Variants in TCF7L1 observed in about 807,000 individuals in gnomAD.
TCF7L1 encodes transcription factor 7-like 1.
A neutral mutation model predicts 63.7 loss-of-function variants in TCF7L1; 18 were observed. The observed-to-expected ratio is 0.28, with a 90% CI of 0.20 to 0.42. The LOEUF (loss-of-function observed/expected upper bound fraction) is 0.42, where lower values mean the gene tolerates loss of function less well. Among genes scored for constraint, TCF7L1 ranks in the 10% least tolerant of loss-of-function variants. TCF7L1 has a pLI of 1.00. For synonymous variants in TCF7L1, 355 were observed against 340.9 expected, an observed-to-expected ratio of 1.04 and a Z score of -0.46; for missense variants, 654 against 779.3, an observed-to-expected ratio of 0.84 and a Z score of 1.91.
intron 3 of TCF7L1, among the ~76,000 whole-genome samples, chr2:85,226,321 C>T (rs1679952027): frequency 6.6e-6 from 1 of 152,084 alleles, no homozygotes; most frequent in Admixed American, 6.6e-5. Flanking sequence ...TCTTCTTTTT[C>T]TATTGATTGG....
chr2:85,170,327 A>G (rs1171398975), intron 3 of TCF7L1, among the ~76,000 whole-genome samples: 1 of 152,248 alleles, frequency 6.6e-6, no homozygotes, highest in Non-Finnish European at 1.5e-5. Flanking sequence ...TTGTAAAATC[A>G]AGTCAATTTT....
At chr2:85,182,583 T>C (rs1678829524) in intron 3 of TCF7L1, among the ~76,000 whole-genome samples, 1 of 152,168 alleles carries the variant, frequency 6.6e-6, no homozygotes, top group Non-Finnish European at 1.5e-5. Context: ...GCTACCAGCT[T>C]TTGATGCTAG....
At chr2:85,259,706 A>C (rs17026115) in intron 3 of TCF7L1, among the ~76,000 whole-genome samples, 2,724 of 152,142 alleles carry the variant, frequency 0.018, 47 homozygotes, top group Middle Eastern at 0.061. Context: ...TTGGATAGAG[A>C]CCCTTTGAGC....
At chr2:85,290,135 C>CAA (rs1681671814) in intron 4 of TCF7L1, among the ~76,000 whole-genome samples, 1 of 151,992 alleles carries the variant, frequency 6.6e-6, no homozygotes, top group South Asian at 2.1e-4. Context: ...CCTGCCACCA[C>CAA]ACATGGCTAA....
At chr2:85,218,646 G>GGC (rs890701392) in intron 3 of TCF7L1, among the ~76,000 whole-genome samples, 2 of 150,192 alleles carry the variant, frequency 1.3e-5, no homozygotes, top group Non-Finnish European at 3.0e-5. Flanking sequence ...CAATGGGGGG[G>GGC]GGAAAACTGG....
intron 3 of TCF7L1, among the ~76,000 whole-genome samples, chr2:85,162,057 T>A (rs72840112): frequency 0.027 from 3,934 of 145,138 alleles, 76 homozygotes; most frequent in Middle Eastern, 0.039. Flanking sequence ...AGTTGAGATT[T>A]AAAAAAAAAA....
Position 85,134,511 on chromosome 2 carries a change from C to T in TCF7L1, c.441+61C>T, listed in dbSNP as rs1033313735. 1.3e-6 allele frequency: 2 copies of T among 1,511,934 alleles called. No homozygotes were observed. The highest frequency in any genetic ancestry group is 2.8e-5 in the African/African-American group (2 of 71,788). 93.7% of individuals were successfully genotyped at this position (1,511,934 alleles called of 1,614,324 possible). A position where few individuals can be genotyped will look rare whatever the true frequency, so the allele number is the denominator to read the frequency against. On this transcript the variant is annotated intron_variant, in intron 3 of 11. Coordinates refer to ENST00000282111, the MANE Select transcript of TCF7L1 (RefSeq NM_031283.3). The surrounding 1 kb of genome is among the most constrained non-coding windows in gnomAD (Gnocchi z 5.0). ...GGCCGCGGCCCGCAGGATGCGCCCCCGGGCTTGGCCATGGAGTGGGGGATG... is the reference window on the plus strand; with the variant it reads ...GGCCGCGGCCCGCAGGATGCGCCCCTGGGCTTGGCCATGGAGTGGGGGATG...
At chr2:85,303,745 A>G (rs1441907288) in intron 5 of TCF7L1, 150 bp from the exon 6 acceptor site, 1 of 578,620 alleles carries the variant, frequency 1.7e-6, no homozygotes, top group Non-Finnish European at 3.1e-6. Context: ...GAGAGCTGCT[A>G]GGGAGTTGAC....
chr2:85,179,388 G>T (rs1206883007), intron 3 of TCF7L1, among the ~76,000 whole-genome samples: 3 of 152,146 alleles, frequency 2.0e-5, no homozygotes, highest in African/African-American at 7.2e-5. Context: ...GTTTGATTCG[G>T]GGATTCTGGG....
intron 3 of TCF7L1, among the ~76,000 whole-genome samples, chr2:85,258,413 G>C (rs757534803): frequency 1.3e-5 from 2 of 152,196 alleles, no homozygotes; most frequent in Admixed American, 1.3e-4. Flanking sequence ...CCTATAGGTT[G>C]AGATAGGGGG....
rs2104368031 is a variant in TCF7L1 at position 85,282,796 on chromosome 2, G to GAT, written c.442-699_442-698insAT. Among the ~76,000 whole-genome samples, 29 of 78,176 alleles carry GAT rather than the reference G, an allele frequency of 3.7e-4. No homozygotes were observed. In the South Asian group the frequency reaches 0.012, roughly 31 times the overall value. 51.3% of individuals were successfully genotyped at this position (78,176 alleles called of 152,430 possible). On this transcript the variant is annotated intron_variant, in intron 3 of 11. Coordinates refer to ENST00000282111, the MANE Select transcript of TCF7L1 (RefSeq NM_031283.3). ...GCCATGCCAGAGAGAGAGAGAGATTGTGTGTGTGTGTGTGTGTGTGTGTGT... is the reference window on the plus strand; with the variant it reads ...GCCATGCCAGAGAGAGAGAGAGATTGATTGTGTGTGTGTGTGTGTGTGTGTGT...
chr2:85,173,257 C>T (rs1678595598), intron 3 of TCF7L1, among the ~76,000 whole-genome samples: 1 of 151,964 alleles, frequency 6.6e-6, no homozygotes, highest in East Asian at 1.9e-4. Context: ...TGAGCATTGG[C>T]ACAAGCACAG....
rs868277691 is a variant in TCF7L1 at position 85,229,035 on chromosome 2, A to G, written c.442-54460A>G. ...GACTCTGTCTCAAAAAAAAAAAAAA[A>G]AAAAGAAAGGAAAAGAAATTAGAAC... On this transcript the variant is annotated intron_variant, in intron 3 of 11. Transcript: ENST00000282111. Among the ~76,000 whole-genome samples the G allele has an allele frequency of 1.9e-3, 267 of 144,232 alleles. 2 individuals carry two copies. Among genetic ancestry groups the G allele is most frequent in the Middle Eastern group, 8.2e-3 (2 of 244 alleles). The allele number at this position is 144,232 out of a possible 152,430, so 94.6% of individuals were successfully genotyped here.
chr2:85,279,205 A>G (rs1010162528), intron 3 of TCF7L1, among the ~76,000 whole-genome samples: 1 of 152,206 alleles, frequency 6.6e-6, no homozygotes, highest in Non-Finnish European at 1.5e-5. Flanking sequence ...CCCCAAGGAC[A>G]TGCTCCCACC....
chr2:85,239,933 G>A (rs180705935), intron 3 of TCF7L1, among the ~76,000 whole-genome samples: 291 of 128,250 alleles, frequency 2.3e-3, no homozygotes, highest in Middle Eastern at 0.017. Context: ...GCAACAGAGC[G>A]AGACTCCATC....
intron 3 of TCF7L1, among the ~76,000 whole-genome samples, chr2:85,183,390 A>G (rs539516878): frequency 6.6e-6 from 1 of 152,198 alleles, no homozygotes; most frequent in South Asian, 2.1e-4. Context: ...CCCTAGTCCA[A>G]GCTTTATATC....
At chr2:85,276,853 G>A (rs1012163743) in intron 3 of TCF7L1, among the ~76,000 whole-genome samples, 1 of 152,210 alleles carries the variant, frequency 6.6e-6, no homozygotes, top group African/African-American at 2.4e-5. Flanking sequence ...AGCCTGGTGA[G>A]TGCTATGGAA....
intron 3 of TCF7L1, among the ~76,000 whole-genome samples, chr2:85,276,476 A>G (rs557107037): frequency 1.3e-5 from 2 of 152,346 alleles, no homozygotes; most frequent in East Asian, 1.9e-4. Flanking sequence ...TAGAAGCTCT[A>G]TGTAACAGGA....
At position 85,305,349 on chromosome 2, in the gene TCF7L1, C is replaced by T; in HGVS notation, c.935C>T (p.Ser312Phe). The T allele has an allele frequency of 6.2e-7, 1 of 1,613,874 alleles. No individual in the cohort carries two copies. ...TSGIPHPAIV[S>F]PIVKQEPAPP... is the part of the protein sequence containing the mutation. ...GGGATCCCCCACCCTGCCATCGTCT[C>T]CCCCATCGTCAAGCAGGAACCGGCA... The change falls in exon 8 of 12, where the codon TCC becomes TTC. Residue 312 changes from serine to phenylalanine, a missense_variant. Ser to Phe is a radical substitution (Grantham distance 155). Coordinates refer to ENST00000282111, the MANE Select transcript of TCF7L1 (RefSeq NM_031283.3).
Sources: allele counts gnomAD v4.1 joint callset (sites outside exome capture counted in the v4.1 genomes callset), GRCh38; gene constraint gnomAD v4.1.1; non-coding constraint Gnocchi (gnomAD v3.1); transcripts MANE v1.5; gene names NCBI Gene and HGNC (gene_info 2026-07-23, HGNC 2026-07-21).